DLGAP2: variants seen among roughly 807,000 people sequenced by gnomAD.
DLGAP2 encodes disks large-associated protein 2.
A neutral mutation model predicts 100.3 loss-of-function variants in DLGAP2; 26 were observed. The observed-to-expected ratio is 0.26, with a 90% CI of 0.19 to 0.36. The LOEUF is 0.36. Among genes scored for constraint, DLGAP2 ranks in the 10% least tolerant of loss-of-function variants. DLGAP2 has a pLI of 1.00. For missense variants in DLGAP2, 1,858 were observed against 1,453.2 expected, an observed-to-expected ratio of 1.28 and a Z score of -4.53; for synonymous variants, 886 against 630.1, an observed-to-expected ratio of 1.41 and a Z score of -6.08.
At chr8:1,181,844 C>T (rs978640191) in intron 2 of DLGAP2, among the ~76,000 whole-genome samples, 13 of 152,290 alleles carry the variant, frequency 8.5e-5, no homozygotes, top group Non-Finnish European at 1.5e-4. Flanking sequence ...TACCACCTTC[C>T]TCCCTGCACG....
chr8:1,120,880 G>A (rs937000351), intron 2 of DLGAP2, among the ~76,000 whole-genome samples: 1 of 125,324 alleles, frequency 8.0e-6, no homozygotes, highest in African/African-American at 3.1e-5. Context: ...ACCACCCATC[G>A]TCATTCCTTC....
chr8:848,252 A>G (rs982381097), intron 1 of DLGAP2, among the ~76,000 whole-genome samples: 3 of 152,232 alleles, frequency 2.0e-5, no homozygotes, highest in Non-Finnish European at 4.4e-5. Context: ...ATTGCTGAGT[A>G]GTATTCCAGT....
At chr8:1,434,433 C>T (rs1007783189) in intron 3 of DLGAP2, among the ~76,000 whole-genome samples, 8 of 152,134 alleles carry the variant, frequency 5.3e-5, no homozygotes, top group African/African-American at 1.9e-4. Context: ...GCCACACCCA[C>T]CACTGGGTCA....
intron 6 of DLGAP2, among the ~76,000 whole-genome samples, chr8:1,581,380 C>G (rs1803247775): frequency 6.6e-6 from 1 of 151,048 alleles, no homozygotes; most frequent in South Asian, 2.1e-4. Context: ...CACAGTCAAA[C>G]TACCAGAAGT....
At chr8:1,614,687 G>C (rs1797092475) in intron 6 of DLGAP2, among the ~76,000 whole-genome samples, 1 of 152,254 alleles carries the variant, frequency 6.6e-6, no homozygotes, top group South Asian at 2.1e-4. Flanking sequence ...TGATATGCAG[G>C]TTGGCCAAGC....
intron 3 of DLGAP2, among the ~76,000 whole-genome samples, chr8:1,288,485 T>A (rs1425482032): frequency 2.6e-5 from 1 of 39,204 alleles, no homozygotes; most frequent in Non-Finnish European, 4.8e-5. Context: ...TTCAGTTCAG[T>A]GTGTGTGTGT....
intron 2 of DLGAP2, among the ~76,000 whole-genome samples, chr8:1,224,296 C>T (rs1407404383): frequency 6.6e-6 from 1 of 152,168 alleles, no homozygotes; most frequent in Non-Finnish European, 1.5e-5. Flanking sequence ...ATATAAGAGA[C>T]ATAATTGACA....
rs534915540 is a variant in DLGAP2, at chr8:1,701,474, C to G, written c.*68C>G. ...GGACGCTTGTGCAGCGCGGCGCCGC[C>G]CTGGTGGTTTCTGTCTCCTCCTCCC... On this transcript the variant is annotated 3_prime_UTR_variant, in exon 15 of 15. Transcript: ENST00000637795. 1.4e-6 allele frequency: 2 copies of G among 1,471,046 alleles called. No homozygotes were observed. The highest frequency in any genetic ancestry group is 1.8e-6 in the Non-Finnish European group (2 of 1,097,826). 91.1% of individuals were successfully genotyped at this position (1,471,046 alleles called of 1,614,324 possible).
At chr8:757,950 A>G (rs13274882) in intron 1 of DLGAP2, among the ~76,000 whole-genome samples, 92,912 of 152,012 alleles carry the variant, frequency 0.61, 28,805 homozygotes, top group African/African-American at 0.7. Flanking sequence ...GCGTGGGGCA[A>G]GTGTGTGGGG....
At chr8:1,381,178 G>C (rs1303473818) in intron 3 of DLGAP2, 1 of 152,108 alleles carries the variant, frequency 6.6e-6, no homozygotes, top group Admixed American at 6.5e-5. Context: ...ACCAGAACAG[G>C]TGCTTCCCCA....
chr8:946,946 C>T (rs1037631134), intron 2 of DLGAP2, among the ~76,000 whole-genome samples: 2 of 152,188 alleles, frequency 1.3e-5, no homozygotes, highest in East Asian at 1.9e-4. Context: ...GCCGGGGTTG[C>T]GCACCGGGCG....
intron 2 of DLGAP2, among the ~76,000 whole-genome samples, chr8:1,126,037 A>G (rs547142647): frequency 2.7e-4 from 41 of 152,362 alleles, no homozygotes; most frequent in African/African-American, 9.1e-4. Context: ...CTGTTTGTGT[A>G]TCCCCTGCCA....
At chr8:856,895 G>A (rs1284877974) in intron 1 of DLGAP2, among the ~76,000 whole-genome samples, 1 of 152,190 alleles carries the variant, frequency 6.6e-6, no homozygotes, top group Non-Finnish European at 1.5e-5. Context: ...TACATGAAGA[G>A]GCAGAAGACC....
intron 14 of DLGAP2, among the ~76,000 whole-genome samples, chr8:1,700,832 T>C (rs962759574): frequency 1.3e-5 from 2 of 152,200 alleles, no homozygotes; most frequent in Non-Finnish European, 2.9e-5. Flanking sequence ...TGCTCGGAGA[T>C]GACACAGGGC....
At chr8:989,898 T>C (rs1235237694) in intron 2 of DLGAP2, among the ~76,000 whole-genome samples, 1 of 152,172 alleles carries the variant, frequency 6.6e-6, no homozygotes, top group Admixed American at 6.5e-5. Context: ...TTTCTAAGTC[T>C]TTTAAAAATA....
chr8:1,630,558 T>C (rs1289988222), intron 7 of DLGAP2, among the ~76,000 whole-genome samples: 2 of 151,870 alleles, frequency 1.3e-5, no homozygotes, highest in Non-Finnish European at 2.9e-5. Flanking sequence ...AAAAATTAGC[T>C]GGGCATGGTA....
chr8:1,060,469 C>T (rs899300756), intron 2 of DLGAP2, among the ~76,000 whole-genome samples: 15 of 151,280 alleles, frequency 9.9e-5, no homozygotes, highest in Non-Finnish European at 1.8e-4. Flanking sequence ...CGTCACCGAC[C>T]CCTGCCCCTG....
intron 4 of DLGAP2, among the ~76,000 whole-genome samples, chr8:1,545,526 G>T (rs530847491): frequency 2.6e-5 from 4 of 152,090 alleles, no homozygotes; most frequent in Non-Finnish European, 5.9e-5. Context: ...GATGCTTTCC[G>T]CATTTTGTGT....
intron 4 of DLGAP2, among the ~76,000 whole-genome samples, chr8:1,518,586 C>T (rs1292231696): frequency 6.6e-6 from 1 of 152,092 alleles, no homozygotes; most frequent in East Asian, 1.9e-4. Flanking sequence ...TAATAAATGA[C>T]CACGTGGTGA....
Sources: allele counts gnomAD v4.1 joint callset (sites outside exome capture counted in the v4.1 genomes callset), GRCh38; gene constraint gnomAD v4.1.1; transcripts MANE v1.5; gene names NCBI Gene and HGNC (gene_info 2026-07-23, HGNC 2026-07-21).